The following NRXN3 variants were observed in gnomAD, a reference collection of about 807,000 sequenced individuals.
The protein encoded by NRXN3 is neurexin 3, also known as neurexin III.
A neutral mutation model predicts 137.6 loss-of-function variants in NRXN3; 32 were observed. The observed-to-expected ratio is 0.23, with a 90% CI of 0.18 to 0.31. The LOEUF (loss-of-function observed/expected upper bound fraction) is 0.31, where lower values mean the gene tolerates loss of function less well. NRXN3 is among the 10% of genes least tolerant of loss of function. NRXN3 has a pLI of 1.00. For missense variants in NRXN3, 1,574 were observed against 2,062.5 expected, an observed-to-expected ratio of 0.76 and a Z score of 4.59; for synonymous variants, 798 against 784.5, an observed-to-expected ratio of 1.02 and a Z score of -0.29.
intron 16 of NRXN3, among the ~76,000 whole-genome samples, chr14:79,499,233 TC>T (rs533392060): frequency 1.5e-4 from 23 of 152,306 alleles, no homozygotes; most frequent in African/African-American, 5.1e-4. Context: ...CAGAACATCC[TC>T]CTCGTCTACC....
At chr14:79,731,289 C>T (rs2098921529) in intron 19 of NRXN3, among the ~76,000 whole-genome samples, 1 of 152,174 alleles carries the variant, frequency 6.6e-6, no homozygotes, top group African/African-American at 2.4e-5. Context: ...GTTAAACAGG[C>T]AGAGCTCAGG....
intron 4 of NRXN3, among the ~76,000 whole-genome samples, chr14:78,370,192 T>A (rs2086602322): frequency 6.6e-6 from 1 of 152,132 alleles, no homozygotes; most frequent in South Asian, 2.1e-4. Flanking sequence ...CCATGCTTAC[T>A]CCAATCATTC....
At chr14:79,146,153 A>C (rs2059281573) in intron 15 of NRXN3, among the ~76,000 whole-genome samples, 1 of 152,142 alleles carries the variant, frequency 6.6e-6, no homozygotes, top group Admixed American at 6.6e-5. Flanking sequence ...AATAGTCCCC[A>C]TTTTTGCTGA....
In NRXN3 at chr14:78,714,906, A is replaced by G. The variant is rs760134683; in HGVS notation, c.1811A>G (p.Asn604Ser). The G allele has an allele frequency of 3.7e-6, 6 of 1,614,164 alleles. No individual in the cohort carries two copies. The highest frequency in any genetic ancestry group is 3.3e-5 in the South Asian group (3 of 91,088). The change falls in exon 8 of 21, where the codon AAC becomes AGC. Residue 604 changes from asparagine (N) to serine (S), a missense_variant. Physicochemically the swap from Asn to Ser is conservative, Grantham distance 46. Transcript: ENST00000335750. The part of the protein sequence containing the change: ...LPTELWTAML[N>S]YGYVGCIRDL... The stretch of plus-strand genomic sequence containing the variant: ...ACCGAGCTGTGGACTGCCATGCTCA[A>G]CTATGGCTACGTGGGCTGCATCCGC...
At chr14:79,768,782 T>C (rs1251186085) in intron 19 of NRXN3, among the ~76,000 whole-genome samples, 1 of 151,786 alleles carries the variant, frequency 6.6e-6, no homozygotes, top group Non-Finnish European at 1.5e-5. Flanking sequence ...AGAATGACTT[T>C]GACGAGCTGA....
intron 15 of NRXN3, among the ~76,000 whole-genome samples, chr14:79,316,357 C>T (rs1296337435): frequency 6.6e-6 from 1 of 152,022 alleles, no homozygotes; most frequent in Non-Finnish European, 1.5e-5. Context: ...ATTGTTTAGC[C>T]AACAAGAAAC....
At chr14:79,718,257 G>A (rs1213681439) in intron 19 of NRXN3, among the ~76,000 whole-genome samples, 1 of 152,160 alleles carries the variant, frequency 6.6e-6, no homozygotes, top group Non-Finnish European at 1.5e-5. Context: ...GGAACGGTTA[G>A]TGTAAAGGCC....
At chr14:79,400,839 A>T (rs538823737) in intron 15 of NRXN3, among the ~76,000 whole-genome samples, 1 of 152,354 alleles carries the variant, frequency 6.6e-6, no homozygotes, top group South Asian at 2.1e-4. Context: ...GAATTATAGC[A>T]TAAGCCTATA....
At chr14:78,921,261 A>T (rs1230938170) in intron 10 of NRXN3, among the ~76,000 whole-genome samples, 3 of 152,216 alleles carry the variant, frequency 2.0e-5, no homozygotes, top group Admixed American at 6.5e-5. Context: ...CCATATGCTG[A>T]GCTTGGTGCA....
chr14:78,737,624 G>C (rs371174771), intron 8 of NRXN3, among the ~76,000 whole-genome samples: 7 of 152,250 alleles, frequency 4.6e-5, no homozygotes, highest in South Asian at 4.1e-4. Flanking sequence ...GGCAAAAAAG[G>C]GGGGGAGGGG....
At chr14:78,634,509 T>C (rs1255390386) in intron 4 of NRXN3, among the ~76,000 whole-genome samples, 6 of 152,220 alleles carry the variant, frequency 3.9e-5, no homozygotes, top group Admixed American at 2.0e-4. Flanking sequence ...GACGTTTTAT[T>C]GGCAGCAGAG....
chr14:79,115,393 C>A (rs1464476194), intron 15 of NRXN3, among the ~76,000 whole-genome samples: 2 of 151,592 alleles, frequency 1.3e-5, no homozygotes, highest in Admixed American at 6.6e-5. Context: ...TCCTTTATTG[C>A]CAGTAATGGT....
chr14:78,803,671 C>T lies in NRXN3; in HGVS notation c.2096C>T (p.Pro699Leu). Residue 699 changes from proline to leucine, a missense_variant, in exon 9 of 21, where the codon CCC (proline) becomes CTC (leucine). By Grantham distance (98) the Pro-to-Leu change is moderately conservative. Coordinates refer to ENST00000335750, the MANE Select transcript of NRXN3 (RefSeq NM_001330195.2). ...AGCATGTACATGAAGATCATCATGC[C>T]CATGGTCATGCATACTGAGGCAGAG... The part of the protein sequence containing the change: ...DGSMYMKIIM[P>L]MVMHTEAEDV... 2 of 1,614,134 alleles carry T rather than the reference C, an allele frequency of 1.2e-6. No homozygotes were observed. Among genetic ancestry groups the T allele is most frequent in the Non-Finnish European group, 1.7e-6 (2 of 1,180,008 alleles).
intron 20 of NRXN3, among the ~76,000 whole-genome samples, chr14:79,806,958 A>ATATATATATC (rs2099209198): frequency 1.8e-5 from 1 of 56,304 alleles, no homozygotes; most frequent in Non-Finnish European, 3.1e-5. Context: ...ATATATATAT[A>ATATATATATC]TATATTTTTT....
intron 1 of NRXN3, among the ~76,000 whole-genome samples, chr14:78,193,580 G>A (rs991672469): frequency 1.3e-5 from 2 of 152,012 alleles, no homozygotes; most frequent in African/African-American, 4.8e-5. Flanking sequence ...GGGACAACAT[G>A]GTGAAACCCC....
At chr14:79,728,501 T>G (rs1039514711) in intron 19 of NRXN3, among the ~76,000 whole-genome samples, 1 of 152,330 alleles carries the variant, frequency 6.6e-6, no homozygotes, top group East Asian at 1.9e-4. Context: ...CAACCCTTTA[T>G]GCAAGCAGTG....
intron 6 of NRXN3, among the ~76,000 whole-genome samples, chr14:78,698,878 C>T (rs552149444): frequency 1.3e-5 from 2 of 152,070 alleles, no homozygotes; most frequent in Admixed American, 1.3e-4. Flanking sequence ...AGCTTTCTAC[C>T]TTTTCATCTC....
intron 15 of NRXN3, among the ~76,000 whole-genome samples, chr14:79,371,199 C>T (rs769781398): frequency 1.8e-4 from 28 of 152,280 alleles, no homozygotes; most frequent in Non-Finnish European, 3.5e-4. Flanking sequence ...TCTCCTGAAG[C>T]TTTCATTGTC....
intron 17 of NRXN3, among the ~76,000 whole-genome samples, chr14:79,683,460 T>C (rs559825207): frequency 3.9e-4 from 60 of 152,304 alleles, no homozygotes; most frequent in South Asian, 1.7e-3. Flanking sequence ...CCTAAAGCAG[T>C]ATACTGTAAT....
Sources: gnomAD v4.1 joint callset for allele counts (sites outside exome capture counted in the v4.1 genomes callset) on GRCh38, gnomAD v4.1.1 for gene constraint, MANE v1.5 for transcripts, NCBI Gene and HGNC (gene_info 2026-07-23, HGNC 2026-07-21) for gene names.